Variants in GPR149 observed in about 807,000 individuals in gnomAD.
GPR149 encodes probable G protein-coupled receptor 149.
Under a neutral mutation model 50.2 loss-of-function variants are expected in GPR149, and 50 were observed. The ratio of observed to expected loss-of-function variants is 1.00; its 90% CI spans 0.79 to 1.26. The LOEUF is 1.26. Ranked by LOEUF, GPR149 falls within the 50% of genes most tolerant of loss-of-function variation. The pLI is 0.00. For missense variants in GPR149, 983 were observed against 895.4 expected, an observed-to-expected ratio of 1.10 and a Z score of -1.25; for synonymous variants, 405 against 358.2, an observed-to-expected ratio of 1.13 and a Z score of -1.48.
chr3:154,418,421 C>T (rs533475453), intron 3 of GPR149, among the ~76,000 whole-genome samples: 9 of 108,820 alleles, frequency 8.3e-5, no homozygotes, highest in South Asian at 3.1e-4. Flanking sequence ...AACCCAAATG[C>T]CCAACAATGA....
intron 3 of GPR149, among the ~76,000 whole-genome samples, chr3:154,388,822 A>C (rs780879561): frequency 2.0e-5 from 3 of 151,626 alleles, no homozygotes; most frequent in Non-Finnish European, 4.4e-5. Flanking sequence ...TGATAAATTG[A>C]CTACTGTCAG....
chr3:154,353,346 G>A, intron 3 of GPR149: 1 of 1,424,962 alleles, frequency 7.0e-7, no homozygotes, highest in Non-Finnish European at 9.9e-7. Flanking sequence ...TACCCACTGT[G>A]GGCAAGTTGC....
chr3:154,377,695 C>A (rs1453086659), intron 3 of GPR149, among the ~76,000 whole-genome samples: 2 of 152,046 alleles, frequency 1.3e-5, no homozygotes, highest in African/African-American at 4.8e-5. Context: ...CAAACAACTT[C>A]TTCGTAATAT....
chr3:154,422,001 T>A (rs1288780247), intron 2 of GPR149, among the ~76,000 whole-genome samples: 1 of 151,730 alleles, frequency 6.6e-6, no homozygotes, highest in Non-Finnish European at 1.5e-5. Flanking sequence ...CATTTATATG[T>A]CTATAAGTGC....
chr3:154,394,177 A>G (rs1050775934), intron 3 of GPR149, among the ~76,000 whole-genome samples: 3 of 152,116 alleles, frequency 2.0e-5, no homozygotes, highest in Non-Finnish European at 2.9e-5. Flanking sequence ...TTACAAGGCT[A>G]TAGTAATTTA....
chr3:154,416,575 T>C (rs1387093301), intron 3 of GPR149, among the ~76,000 whole-genome samples: 1 of 151,856 alleles, frequency 6.6e-6, no homozygotes, highest in Non-Finnish European at 1.5e-5. Flanking sequence ...AAAAATACTA[T>C]AGAAACCAAC....
At chr3:154,343,844 G>A (rs1252619409) in intron 3 of GPR149, among the ~76,000 whole-genome samples, 1 of 152,012 alleles carries the variant, frequency 6.6e-6, no homozygotes, top group Admixed American at 6.6e-5. Context: ...GGGCATGGTA[G>A]TGTGTGTTTC....
intron 3 of GPR149, among the ~76,000 whole-genome samples, chr3:154,406,535 A>G (rs1559987050): frequency 1.3e-5 from 2 of 152,206 alleles, no homozygotes; most frequent in East Asian, 1.9e-4. Context: ...TAAATTGACT[A>G]TGGTATATTC....
Position 154,429,362 on chromosome 3 carries a change from A to ACC in GPR149, c.252_253dup (p.Val85GlyfsTer2), listed in dbSNP as rs770725051. On this transcript the variant is annotated frameshift_variant, in exon 1 of 4. Transcript: ENST00000389740. LOFTEE classifies it high-confidence loss of function. ...CCACTGCAAAAACATGAAGATGGTC[A>ACC]CCGACAGGACGCTCATGAGATCATC... 1 of 1,614,230 alleles carries ACC rather than the reference A, an allele frequency of 6.2e-7. No homozygotes were observed. Among genetic ancestry groups the ACC allele is most frequent in the Non-Finnish European group, 8.5e-7 (1 of 1,180,046 alleles).
At chr3:154,401,547 T>C (rs1270569404) in intron 3 of GPR149, among the ~76,000 whole-genome samples, 1 of 152,122 alleles carries the variant, frequency 6.6e-6, no homozygotes, top group East Asian at 1.9e-4. Flanking sequence ...AAGAGTTGGA[T>C]ACCTAAGGAG....
intron 3 of GPR149, among the ~76,000 whole-genome samples, chr3:154,354,440 A>G (rs1411102569): frequency 1.3e-5 from 2 of 152,234 alleles, no homozygotes; most frequent in Non-Finnish European, 2.9e-5. Flanking sequence ...TCAGCCTTCA[A>G]ATACTGCCAC....
Position 154,421,454 on chromosome 3 carries a change from A to G in GPR149, c.1208T>C (p.Phe403Ser). 6.3e-7 allele frequency: 1 copy of G among 1,593,144 alleles called. No homozygotes were observed. Among genetic ancestry groups the G allele is most frequent in the South Asian group, 1.1e-5 (1 of 87,638 alleles). Residue 403 changes from phenylalanine (F) to serine (S), a missense_variant, in exon 3 of 4, where the codon TTC becomes TCC. Coordinates refer to ENST00000389740, the MANE Select transcript of GPR149 (RefSeq NM_001038705.3). ...KRKGFEFNLS[F>S]QKSYGIYKIA... Reference sequence around the variant, plus strand: ...TTTATAAATCCCATAACTTTTTTGGAATGATAGATTGAATTCAAAGCCTTT... The same window carrying G: ...TTTATAAATCCCATAACTTTTTTGGGATGATAGATTGAATTCAAAGCCTTT...
chr3:154,336,230 A>C lies in GPR149; in HGVS notation c.*1469T>G, dbSNP rs1283651159. ...AAAGATTGAGAAAGTCCATTGAGATAATTATTTTGAAAATGACTCATGCTT... is the reference window on the plus strand; with the variant it reads ...AAAGATTGAGAAAGTCCATTGAGATCATTATTTTGAAAATGACTCATGCTT... On this transcript the variant is annotated 3_prime_UTR_variant, in exon 4 of 4. Coordinates refer to ENST00000389740, the MANE Select transcript of GPR149 (RefSeq NM_001038705.3). 1 of 152,122 alleles carries C rather than the reference A, an allele frequency of 6.6e-6. No homozygotes were observed. Among genetic ancestry groups the C allele is most frequent in the Non-Finnish European group, 1.5e-5 (1 of 67,948 alleles). 9.4% of individuals were successfully genotyped at this position (152,122 alleles called of 1,614,324 possible). A position where few individuals can be genotyped will look rare whatever the true frequency, so the allele number is the denominator to read the frequency against.
At chr3:154,406,219 T>C (rs1263385398) in intron 3 of GPR149, among the ~76,000 whole-genome samples, 1 of 152,160 alleles carries the variant, frequency 6.6e-6, no homozygotes, top group Non-Finnish European at 1.5e-5. Context: ...CCCTGAGAAA[T>C]CATTTCTCTC....
intron 3 of GPR149, among the ~76,000 whole-genome samples, chr3:154,404,654 G>T (rs1284807254): frequency 6.6e-6 from 1 of 152,174 alleles, no homozygotes; most frequent in African/African-American, 2.4e-5. Flanking sequence ...CATATGGACT[G>T]TCTCTGGAAT....
intron 3 of GPR149, among the ~76,000 whole-genome samples, chr3:154,390,596 C>T (rs1715146164): frequency 6.6e-6 from 1 of 151,808 alleles, no homozygotes. Flanking sequence ...CTAATATACA[C>T]ATTATGGGAG....
rs879204932 is a variant in GPR149 at position 154,354,753 on chromosome 3, G to C, written c.1624-16482C>G. On this transcript the variant is annotated intron_variant, in intron 3 of 3. Transcript: ENST00000389740. Reference sequence around the variant, plus strand: ...TCTTCTGGCTCTCGGACTCCTCCAAGGGTGTTTTCAGCTCCATAATGTCGC... The same window carrying C: ...TCTTCTGGCTCTCGGACTCCTCCAACGGTGTTTTCAGCTCCATAATGTCGC... The C allele has an allele frequency of 8.3e-6, 6 of 725,728 alleles. No homozygotes were observed. In the Admixed American group the frequency reaches 1.9e-4, roughly 23 times the overall value. The allele number at this position is 725,728 out of a possible 1,614,324, so 45.0% of individuals were successfully genotyped here. A position where few individuals can be genotyped will look rare whatever the true frequency, so the allele number is the denominator to read the frequency against.
rs10593410 is a variant in GPR149 at position 154,430,139 on chromosome 3, C to CAGAGAGAG, written c.-532_-525dup. ...TTGAAGGTGGAGAGAGAGAGAGAGA[C>CAGAGAGAG]AGAGAGAGAGAGAGAGAGGGCGAGC... On this transcript the variant is annotated 5_prime_UTR_variant, in exon 1 of 4. Coordinates refer to ENST00000389740, the MANE Select transcript of GPR149 (RefSeq NM_001038705.3). 6.8e-6 allele frequency among the ~76,000 whole-genome samples: 1 copy of CAGAGAGAG among 147,322 alleles called. No homozygotes were observed. Among genetic ancestry groups the CAGAGAGAG allele is most frequent in the Non-Finnish European group, 1.5e-5 (1 of 66,688 alleles).
chr3:154,407,089 C>A (rs1711714832), intron 3 of GPR149, among the ~76,000 whole-genome samples: 1 of 152,018 alleles, frequency 6.6e-6, no homozygotes, highest in African/African-American at 2.4e-5. Flanking sequence ...GGGGAAACCA[C>A]CCCTCATGAT....
Sources: allele counts gnomAD v4.1 joint callset (sites outside exome capture counted in the v4.1 genomes callset), GRCh38; gene constraint gnomAD v4.1.1; transcripts MANE v1.5; gene names NCBI Gene and HGNC (gene_info 2026-07-23, HGNC 2026-07-21).